The following KLK3 variants were observed in gnomAD, a reference collection of about 807,000 sequenced individuals.
The protein encoded by KLK3 is prostate-specific antigen.
Under a neutral mutation model 27.7 loss-of-function variants are expected in KLK3, and 23 were observed. That is an observed-to-expected ratio of 0.83 (90% CI 0.60 to 1.17). The LOEUF (loss-of-function observed/expected upper bound fraction) is 1.17, where lower values mean the gene tolerates loss of function less well. Ranked by LOEUF, KLK3 falls within the 50% of genes most tolerant of loss-of-function variation. The pLI, the probability that KLK3 is intolerant of heterozygous loss-of-function variation, is 0.00. For missense variants in KLK3, 322 were observed against 338.1 expected (o/e 0.95, Z 0.37); for synonymous variants, 142 against 134.2 (o/e 1.06, Z -0.40).
rs199680464 is a variant in KLK3, at chr19:50,854,939, C to G, written c.-17C>G. 1 of 1,613,700 alleles carries G rather than the reference C, an allele frequency of 6.2e-7. No individual in the cohort carries two copies. On this transcript the variant is annotated 5_prime_UTR_variant, in exon 1 of 5. Coordinates refer to ENST00000326003, the MANE Select transcript of KLK3 (RefSeq NM_001648.2). ...CAGCCCCAAGCTTACCACCTGCACC[C>G]GGAGAGCTGTGTCACCATGTGGGTC...
rs575794794 is a variant in KLK3, at chr19:50,859,698, C to A, written c.631-274C>A. 3 of 1,583,970 alleles carry A rather than the reference C, an allele frequency of 1.9e-6. No individual in the cohort carries two copies. The African/African-American group carries it at 4.0e-5, about 21-fold the overall frequency. On this transcript the variant is annotated intron_variant, in intron 4 of 4. Transcript: ENST00000326003. The stretch of plus-strand genomic sequence containing the variant: ...CAGATGGTCCTGGCCCTTGTCCCAC[C>A]GACCTGTCTACAAGGACTGTCCTCG...
In KLK3 at chr19:50,856,408, G is replaced by A. The variant is rs752040737; in HGVS notation, c.206+9G>A. 6.2e-7 allele frequency: 1 copy of A among 1,612,624 alleles called. No individual in the cohort carries two copies. Among genetic ancestry groups the A allele is most frequent in the South Asian group, 1.1e-5 (1 of 90,954 alleles). ...GCCCACTGCATCAGGAAGTGAGTAG[G>A]GGCCTGGGGTCTGGGGAGCAGGTGT... On this transcript the variant is annotated intron_variant, in intron 2 of 4. Coordinates refer to ENST00000326003, the MANE Select transcript of KLK3 (RefSeq NM_001648.2).
chr19:50,858,387 T>G, intron 3 of KLK3, 72 bp downstream of exon 3: 2 of 1,606,668 alleles, frequency 1.2e-6, no homozygotes. Context: ...ACAGGACTCC[T>G]AGGTCTGAGG....
chr19:50,855,037 G>T, intron 1 of KLK3, 36 bp downstream of exon 1: 1 of 1,609,240 alleles, frequency 6.2e-7, no homozygotes, highest in Non-Finnish European at 8.5e-7. Flanking sequence ...TGCAGGAGAG[G>T]GAGCCAGCCC....
rs1284513103 is a variant in KLK3 at position 50,858,070 on chromosome 19, C to T, written c.248C>T (p.Pro83Leu). Reference protein sequence around the residue: ...ILLGRHSLFHPEDTGQVFQVS... With the variant: ...ILLGRHSLFHLEDTGQVFQVS... ...CTGGGTCGGCACAGCCTGTTTCATCCTGAAGACACAGGCCAGGTATTTCAG... is the reference window on the plus strand; with the variant it reads ...CTGGGTCGGCACAGCCTGTTTCATCTTGAAGACACAGGCCAGGTATTTCAG... The change falls in exon 3 of 5, where the codon CCT (proline) becomes CTT (leucine). Residue 83 changes from proline to leucine, a missense_variant. Coordinates refer to ENST00000326003, the MANE Select transcript of KLK3 (RefSeq NM_001648.2). 3 of 1,613,776 alleles carry T rather than the reference C, an allele frequency of 1.9e-6. No individual in the cohort carries two copies. The highest frequency in any genetic ancestry group is 3.3e-4 in the Middle Eastern group (2 of 6,060).
Position 50,856,309 on chromosome 19 carries a change from A to T in KLK3, c.116A>T (p.Gln39Leu), listed in dbSNP as rs200712655. 7.4e-4 allele frequency: 1,187 copies of T among 1,613,540 alleles called. 19 individuals carry two copies. The Admixed American group carries it at 0.019, about 26-fold the overall frequency. ...WECEKHSQPW[Q>L]VLVASRGRAV... ...TGCGAGAAGCATTCCCAACCCTGGC[A>T]GGTGCTTGTGGCCTCTCGTGGCAGG... Residue 39 changes from glutamine to leucine, a missense_variant, in exon 2 of 5, where the codon CAG (glutamine) becomes CTG (leucine). Coordinates refer to ENST00000326003, the MANE Select transcript of KLK3 (RefSeq NM_001648.2).
intron 2 of KLK3, 30 bp downstream of exon 2, chr19:50,856,429 G>A (rs371539725): frequency 2.4e-5 from 38 of 1,607,010 alleles, no homozygotes; most frequent in Non-Finnish European, 3.1e-5. Flanking sequence ...CTGGGGAGCA[G>A]GTGTCTGTGT....
In KLK3 at chr19:50,858,212, C is replaced by T. The variant is rs201110725; in HGVS notation, c.390C>T (p.Ala130=). The change falls in exon 3 of 5, where the codon GCC becomes GCT. Residue 130 remains alanine, a synonymous_variant. Coordinates refer to ENST00000326003, the MANE Select transcript of KLK3 (RefSeq NM_001648.2). ...DLMLLRLSEP[A]ELTDAVKVMD... is the part of the protein sequence containing the mutation. ...TGCTGCTCCGCCTGTCAGAGCCTGC[C>T]GAGCTCACGGATGCTGTGAAGGTCA... is the stretch of plus-strand genomic sequence containing the variant. 42 of 1,614,196 alleles carry T rather than the reference C, an allele frequency of 2.6e-5. No homozygotes were observed. Among genetic ancestry groups the T allele is most frequent in the Middle Eastern group, 3.3e-4 (2 of 6,062 alleles).
At chr19:50,857,688 A>G in intron 2 of KLK3, 3 of 206,670 alleles carry the variant, frequency 1.5e-5, no homozygotes, top group Non-Finnish European at 2.9e-5. Flanking sequence ...TCTCTGGCCC[A>G]TGTCTGTTTC....
chr19:50,859,874 T>C, intron 4 of KLK3, 98 bp from the exon 5 acceptor site: 1 of 1,516,994 alleles, frequency 6.6e-7, no homozygotes, highest in Non-Finnish European at 8.8e-7. Context: ...AGCTGGGAAC[T>C]GCTATCTGTT....
chr19:50,855,218 A>G (rs2090139702), intron 1 of KLK3: 1 of 567,778 alleles, frequency 1.8e-6, no homozygotes, highest in South Asian at 2.2e-5. Flanking sequence ...CACTTACCCC[A>G]GAACTTTCTC....
rs2090177795 is a variant in KLK3 at position 50,860,357 on chromosome 19, A to G, written c.*230A>G. ...GCCATGCCTGGAGACATATCACTCA[A>G]TTTCTCTGAGGACACAGATAGGATG... On this transcript the variant is annotated 3_prime_UTR_variant, in exon 5 of 5. Transcript: ENST00000326003. The G allele has an allele frequency of 4.7e-6, 2 of 424,546 alleles. No individual in the cohort carries two copies. The highest frequency in any genetic ancestry group is 4.0e-5 in the African/African-American group (2 of 50,324). 26.3% of individuals were successfully genotyped at this position (424,546 alleles called of 1,614,324 possible). A position where few individuals can be genotyped will look rare whatever the true frequency, so the allele number is the denominator to read the frequency against.
At chr19:50,859,460 T>C (rs66592214) in intron 4 of KLK3, 102,300 of 1,336,302 alleles carry the variant, frequency 0.077, 4,195 homozygotes, top group Middle Eastern at 0.12. Flanking sequence ...CCTGGGCCCT[T>C]ACCCAGCCTC....
At chr19:50,858,892 C>A in intron 4 of KLK3, 1 of 515,166 alleles carries the variant, frequency 1.9e-6, no homozygotes, top group South Asian at 3.5e-5. Flanking sequence ...AGACAGAGAG[C>A]AGCCCCTCCC....
chr19:50,859,673 C>A, intron 4 of KLK3: 1 of 1,602,406 alleles, frequency 6.2e-7, no homozygotes, highest in South Asian at 1.1e-5. Context: ...CAGCATCCTG[C>A]AGATGGTCCT....
In KLK3 at chr19:50,860,277, C is replaced by T; in HGVS notation, c.*150C>T. The stretch of plus-strand genomic sequence containing the variant: ...GAAATCAGCAGACACAGGTGTAGAC[C>T]AGAGTGTTTCTTAAATGGTGTAATT... On this transcript the variant is annotated 3_prime_UTR_variant, in exon 5 of 5. Coordinates refer to ENST00000326003, the MANE Select transcript of KLK3 (RefSeq NM_001648.2). The T allele has an allele frequency of 1.7e-6, 1 of 605,136 alleles. No homozygotes were observed. 37.5% of individuals were successfully genotyped at this position (605,136 alleles called of 1,614,324 possible). A position where few individuals can be genotyped will look rare whatever the true frequency, so the allele number is the denominator to read the frequency against.
chr19:50,855,329 C>A, intron 1 of KLK3: 1 of 405,520 alleles, frequency 2.5e-6, no homozygotes, highest in Non-Finnish European at 4.5e-6. Context: ...CCTCCAAGGA[C>A]CTCTCTCAAT....
rs369844515 is a variant in KLK3 at position 50,858,028 on chromosome 19, G to A, written c.207-1G>A. 2.5e-6 allele frequency: 4 copies of A among 1,604,946 alleles called. No homozygotes were observed. The highest frequency in any genetic ancestry group is 3.4e-6 in the Non-Finnish European group (4 of 1,176,278). ...CATTCCTGCGTCTGCTTCCTCCCCA[G>A]CAAAAGCGTGATCTTGCTGGGTCGG... On this transcript the variant is annotated splice_acceptor_variant, in intron 2 of 4. Transcript: ENST00000326003. LOFTEE classifies it high-confidence loss of function.
At chr19:50,858,386 C>T in intron 3 of KLK3, 71 bp downstream of exon 3, 1 of 1,606,472 alleles carries the variant, frequency 6.2e-7, no homozygotes. Flanking sequence ...GACAGGACTC[C>T]TAGGTCTGAG....
Sources: gnomAD v4.1 joint callset for allele counts on GRCh38, gnomAD v4.1.1 for gene constraint, MANE v1.5 for transcripts, NCBI Gene and HGNC (gene_info 2026-07-23, HGNC 2026-07-21) for gene names.